INPP4B: variants seen among roughly 807,000 people sequenced by gnomAD.
The protein encoded by INPP4B is inositol polyphosphate 4-phosphatase type II.
INPP4B carries 55 observed loss-of-function variants against 122.5 expected under a neutral mutation model. The observed-to-expected ratio is 0.45, with a 90% CI of 0.36 to 0.56. The LOEUF is 0.56. INPP4B is among the 20% of genes least tolerant of loss of function. The pLI, the probability that INPP4B is intolerant of heterozygous loss-of-function variation, is 0.00. For synonymous variants in INPP4B, 403 were observed against 388.7 expected, an observed-to-expected ratio of 1.04 and a Z score of -0.43; for missense variants, 1,000 against 1,097.7, an observed-to-expected ratio of 0.91 and a Z score of 1.26.
intron 7 of INPP4B, among the ~76,000 whole-genome samples, chr4:142,350,338 T>C (rs1781568852): frequency 6.6e-6 from 1 of 152,040 alleles, no homozygotes; most frequent in Non-Finnish European, 1.5e-5. Context: ...TATGATAATT[T>C]AAAGATAAGT....
chr4:142,074,497 C>T (rs988094722), intron 25 of INPP4B, among the ~76,000 whole-genome samples: 1 of 152,064 alleles, frequency 6.6e-6, no homozygotes, highest in Admixed American at 6.6e-5. Context: ...AATCTGGCAG[C>T]ATCTAGCAAA....
intron 22 of INPP4B, among the ~76,000 whole-genome samples, chr4:142,111,695 T>A (rs1238324107): frequency 6.6e-6 from 1 of 151,988 alleles, no homozygotes; most frequent in African/African-American, 2.4e-5. Flanking sequence ...AATCTCTATA[T>A]GTGAGCCATG....
At chr4:142,139,094 T>C (rs955950410) in intron 18 of INPP4B, among the ~76,000 whole-genome samples, 3 of 152,202 alleles carry the variant, frequency 2.0e-5, no homozygotes, top group Non-Finnish European at 4.4e-5. Context: ...AACTTACTCA[T>C]GTACTAGACT....
At chr4:142,465,470 T>A (rs1238671707) in intron 2 of INPP4B, among the ~76,000 whole-genome samples, 1 of 152,244 alleles carries the variant, frequency 6.6e-6, no homozygotes, top group Non-Finnish European at 1.5e-5. Context: ...AGTAGAAAAT[T>A]TGAATTTCTA....
chr4:142,449,230 G>A (rs576430363), intron 3 of INPP4B, among the ~76,000 whole-genome samples: 1 of 152,216 alleles, frequency 6.6e-6, no homozygotes, highest in East Asian at 1.9e-4. Context: ...TTACCGCGAG[G>A]AAGCAACACT....
intron 23 of INPP4B, among the ~76,000 whole-genome samples, chr4:142,095,434 G>A (rs1446552086): frequency 2.0e-5 from 3 of 152,150 alleles, no homozygotes; most frequent in South Asian, 2.1e-4. Flanking sequence ...AACTAACGTA[G>A]TCACCTTTAA....
intron 8 of INPP4B, among the ~76,000 whole-genome samples, chr4:142,308,155 T>A (rs1164831598): frequency 6.6e-6 from 1 of 152,184 alleles, no homozygotes; most frequent in Admixed American, 6.5e-5. Context: ...TGTGAGTGCA[T>A]ACAGTGTGCC....
chr4:142,063,260 C>T (rs563085513), intron 25 of INPP4B, among the ~76,000 whole-genome samples: 1 of 152,288 alleles, frequency 6.6e-6, no homozygotes, highest in Non-Finnish European at 1.5e-5. Context: ...AGAAAGCCTA[C>T]CTTTGTAGGG....
At chr4:142,121,605 C>T (rs1157959729) in intron 21 of INPP4B, among the ~76,000 whole-genome samples, 1 of 152,052 alleles carries the variant, frequency 6.6e-6, no homozygotes, top group Non-Finnish European at 1.5e-5. Flanking sequence ...CATACACTGA[C>T]CTTCGAAGCT....
At chr4:142,643,274 G>T (rs991702441) in intron 2 of INPP4B, among the ~76,000 whole-genome samples, 1 of 152,008 alleles carries the variant, frequency 6.6e-6, no homozygotes, top group Non-Finnish European at 1.5e-5. Context: ...TGTAAAAACT[G>T]TGGAAAAAAA....
intron 2 of INPP4B, among the ~76,000 whole-genome samples, chr4:142,615,713 G>C (rs944958919): frequency 1.3e-5 from 2 of 152,068 alleles, no homozygotes; most frequent in African/African-American, 4.8e-5. Context: ...TTCCCATCAT[G>C]GCTGGGAATT....
At chr4:142,212,670 A>G (rs1428984152) in intron 12 of INPP4B, among the ~76,000 whole-genome samples, 1 of 152,148 alleles carries the variant, frequency 6.6e-6, no homozygotes, top group Non-Finnish European at 1.5e-5. Flanking sequence ...CTTCCACTTA[A>G]GTGGGATTCT....
chr4:142,651,193 C>G (rs1016481747), intron 2 of INPP4B, among the ~76,000 whole-genome samples: 4 of 152,074 alleles, frequency 2.6e-5, no homozygotes. Flanking sequence ...AGACAATGTA[C>G]CAGAATCTCT....
chr4:142,672,806 C>T lies in INPP4B; in HGVS notation c.-191+53033G>A, dbSNP rs938524380. On this transcript the variant is annotated intron_variant, in intron 2 of 25. Transcript: ENST00000262992. ...AGTATCATAGCTAAGGAAATCTTTA[C>T]GTAATCAAAAGTCTTGAAGACTTTC... is the stretch of plus-strand genomic sequence containing the variant. Among the ~76,000 whole-genome samples, 5 of 152,126 alleles carry T rather than the reference C, an allele frequency of 3.3e-5. No homozygotes were observed. In the East Asian group the frequency reaches 9.7e-4, roughly 29 times the overall value.
intron 23 of INPP4B, among the ~76,000 whole-genome samples, chr4:142,100,173 C>T (rs1251248764): frequency 6.6e-6 from 1 of 152,130 alleles, no homozygotes; most frequent in African/African-American, 2.4e-5. Context: ...TCACAGGAAA[C>T]CTCATCTTCC....
intron 2 of INPP4B, among the ~76,000 whole-genome samples, chr4:142,563,249 G>A (rs1730851823): frequency 6.6e-6 from 1 of 152,188 alleles, no homozygotes. Flanking sequence ...CATGTCCACT[G>A]TCGTACTTAG....
At chr4:142,771,774 T>C (rs1383374219) in intron 1 of INPP4B, among the ~76,000 whole-genome samples, 1 of 152,068 alleles carries the variant, frequency 6.6e-6, no homozygotes, top group Non-Finnish European at 1.5e-5. Flanking sequence ...AGCAAACAAC[T>C]GTTACCAGTA....
intron 1 of INPP4B, among the ~76,000 whole-genome samples, chr4:142,801,963 G>T (rs1302855594): frequency 6.6e-6 from 1 of 152,154 alleles, no homozygotes; most frequent in African/African-American, 2.4e-5. Context: ...CTTGGCTGGA[G>T]AAATTGACCT....
intron 2 of INPP4B, among the ~76,000 whole-genome samples, chr4:142,614,253 G>T (rs1743216256): frequency 6.6e-6 from 1 of 151,852 alleles, no homozygotes; most frequent in African/African-American, 2.4e-5. Flanking sequence ...CCAAAATAAA[G>T]CTACATACCT....
Sources: allele counts gnomAD v4.1 joint callset (sites outside exome capture counted in the v4.1 genomes callset), GRCh38; gene constraint gnomAD v4.1.1; transcripts MANE v1.5; gene names NCBI Gene and HGNC (gene_info 2026-07-23, HGNC 2026-07-21).